Variants in NUP50 observed in about 807,000 individuals in gnomAD.
NUP50 encodes the protein nuclear pore complex protein Nup50.
NUP50 carries 14 observed loss-of-function variants against 36.8 expected under a neutral mutation model. The observed-to-expected ratio is 0.38, with a 90% CI of 0.25 to 0.59. The LOEUF is 0.59. Among genes scored for constraint, NUP50 ranks in the 20% least tolerant of loss-of-function variants. The pLI, the probability that NUP50 is intolerant of heterozygous loss-of-function variation, is 0.63. For synonymous variants in NUP50, 195 were observed against 210.8 expected (o/e 0.93, Z 0.65); for missense variants, 455 against 564.6 (o/e 0.81, Z 1.97).
intron 2 of NUP50, 99 bp downstream of exon 2, chr22:45,168,345 T>C: frequency 2.4e-6 from 2 of 824,468 alleles, no homozygotes; most frequent in South Asian, 3.2e-5. Flanking sequence ...CTAAAAGACC[T>C]TTCTAAGAAC....
chr22:45,181,705 C>T (rs1350764235), intron 6 of NUP50, among the ~76,000 whole-genome samples: 2 of 152,148 alleles, frequency 1.3e-5, no homozygotes, highest in Non-Finnish European at 2.9e-5. Flanking sequence ...TCCTCCTCCC[C>T]AACAAAGAAA....
intron 2 of NUP50, among the ~76,000 whole-genome samples, chr22:45,168,575 C>G (rs1409706383): frequency 6.6e-6 from 1 of 152,142 alleles, no homozygotes; most frequent in Non-Finnish European, 1.5e-5. Context: ...TTGCAGTAAG[C>G]CATTTTAGTC....
chr22:45,180,980 T>A (rs2066492447), intron 5 of NUP50, among the ~76,000 whole-genome samples: 1 of 143,374 alleles, frequency 7.0e-6, no homozygotes, highest in Non-Finnish European at 1.5e-5. Context: ...TATAGAGTGT[T>A]GATTTTTTTT....
intron 3 of NUP50, 192 bp downstream of exon 3, chr22:45,171,875 G>A: frequency 5.8e-6 from 3 of 514,388 alleles, no homozygotes; most frequent in South Asian, 2.6e-5. Context: ...ATCCAGTTGA[G>A]GAAATAAGAT....
chr22:45,178,212 A>G, intron 4 of NUP50, 26 bp from the exon 5 acceptor site: 2 of 1,585,948 alleles, frequency 1.3e-6, no homozygotes, highest in African/African-American at 1.4e-5. Context: ...GGCTAAATAA[A>G]TGGTTCAATT....
At chr22:45,181,067 G>A (rs2074361562) in intron 5 of NUP50, among the ~76,000 whole-genome samples, 1 of 147,012 alleles carries the variant, frequency 6.8e-6, no homozygotes, top group Non-Finnish European at 1.5e-5. Flanking sequence ...TAAGAGGTAT[G>A]TTCCCATTAA....
chr22:45,168,964 C>A (rs1268353148), intron 2 of NUP50, among the ~76,000 whole-genome samples: 1 of 145,730 alleles, frequency 6.9e-6, no homozygotes, highest in Non-Finnish European at 1.5e-5. Context: ...TGCGGTGGCA[C>A]AACCTCGGCT....
chr22:45,183,388 ATT>A lies in NUP50; in HGVS notation c.1086-10_1086-9del. ...CCTTGAATGCTTGATGGTCCCTATT[ATT>A]TTTCTCCATAGGTGTAAACTGTTTT... is the stretch of plus-strand genomic sequence containing the variant. On this transcript the variant is annotated splice_polypyrimidine_tract_variant and intron_variant, in intron 6 of 7. Coordinates refer to ENST00000347635, the MANE Select transcript of NUP50 (RefSeq NM_007172.4). 1 of 1,473,370 alleles carries A rather than the reference ATT, an allele frequency of 6.8e-7. No homozygotes were observed. The highest frequency in any genetic ancestry group is 9.5e-7 in the Non-Finnish European group (1 of 1,055,296). 91.3% of individuals were successfully genotyped at this position (1,473,370 alleles called of 1,614,324 possible).
At chr22:45,166,965 A>T (rs964627484) in intron 1 of NUP50, among the ~76,000 whole-genome samples, 1 of 152,210 alleles carries the variant, frequency 6.6e-6, no homozygotes, top group African/African-American at 2.4e-5. Flanking sequence ...GCCCGTATGT[A>T]ATTACTCCAC....
chr22:45,183,402 G>A lies in NUP50; in HGVS notation c.1086G>A (p.Lys362=). 1 of 1,557,850 alleles carries A rather than the reference G, an allele frequency of 6.4e-7. No homozygotes were observed. Among genetic ancestry groups the A allele is most frequent in the Non-Finnish European group, 8.8e-7 (1 of 1,130,888 alleles). Residue 362 remains lysine, a splice_region_variant and synonymous_variant, in exon 7 of 8, where the codon AAG becomes AAA. Coordinates refer to ENST00000347635, the MANE Select transcript of NUP50 (RefSeq NM_007172.4). ...TGGTCCCTATTATTTTTCTCCATAG[G>A]TGTAAACTGTTTTACAAGAAAGACA... is the stretch of plus-strand genomic sequence containing the variant. ...VKEEDAFYSK[K]CKLFYKKDNE... is the part of the protein sequence containing the mutation.
chr22:45,170,576 C>G (rs9626643), intron 2 of NUP50, among the ~76,000 whole-genome samples: 1 of 152,124 alleles, frequency 6.6e-6, no homozygotes, highest in Non-Finnish European at 1.5e-5. Flanking sequence ...ACAAGTGTAT[C>G]TCCTCACATA....
At chr22:45,175,410 G>GA (rs1224665413) in intron 3 of NUP50, among the ~76,000 whole-genome samples, 2 of 152,246 alleles carry the variant, frequency 1.3e-5, no homozygotes, top group Non-Finnish European at 2.9e-5. Flanking sequence ...TTTGTAGGCT[G>GA]AAAGCAGTTG....
Position 45,183,602 on chromosome 22 carries a change from A to T in NUP50, c.1204+82A>T, listed in dbSNP as rs566370858. 2.0e-4 allele frequency: 180 copies of T among 919,238 alleles called. No individual in the cohort carries two copies. In the African/African-American group the frequency reaches 2.8e-3, roughly 14 times the overall value. The allele number at this position is 919,238 out of a possible 1,614,324, so 56.9% of individuals were successfully genotyped here. On this transcript the variant is annotated intron_variant, in intron 7 of 7. Transcript: ENST00000347635. ...TTACCCTGCTGACTCAAGGTTATTA[A>T]TATGTTTTTAAACAGAGCGCATTCA...
At chr22:45,181,033 A>G (rs776901209) in intron 5 of NUP50, among the ~76,000 whole-genome samples, 30 of 149,490 alleles carry the variant, frequency 2.0e-4, no homozygotes, top group African/African-American at 6.7e-4. Flanking sequence ...AAGGTTTTCT[A>G]TATATTGGAA....
chr22:45,184,230 C>A, intron 7 of NUP50: 1 of 555,942 alleles, frequency 1.8e-6, no homozygotes, highest in East Asian at 3.1e-5. Context: ...GTGCAGAGAC[C>A]CGGGCTGGAG....
At chr22:45,170,279 C>CATAA (rs892678420) in intron 2 of NUP50, among the ~76,000 whole-genome samples, 2 of 152,052 alleles carry the variant, frequency 1.3e-5, no homozygotes, top group African/African-American at 4.8e-5. Context: ...GCTGTTTTCT[C>CATAA]TTTATCTCTT....
chr22:45,173,068 T>C (rs528046871), intron 3 of NUP50, among the ~76,000 whole-genome samples: 110 of 152,314 alleles, frequency 7.2e-4, no homozygotes, highest in Middle Eastern at 3.4e-3. Context: ...AGGAGCTTCA[T>C]TTCCTGACGT....
intron 4 of NUP50, among the ~76,000 whole-genome samples, chr22:45,177,089 T>C (rs1042337169): frequency 2.0e-5 from 3 of 152,134 alleles, no homozygotes; most frequent in African/African-American, 7.2e-5. Context: ...TGGGGATTGG[T>C]TTCAGCACCC....
At position 45,172,934 on chromosome 22, in the gene NUP50, G is replaced by T. The variant is rs1394543641; in HGVS notation, c.153+1251G>T. 2.6e-5 allele frequency among the ~76,000 whole-genome samples: 4 copies of T among 152,160 alleles called. No homozygotes were observed. In the East Asian group the frequency reaches 7.7e-4, roughly 29 times the overall value. On this transcript the variant is annotated intron_variant, in intron 3 of 7. Coordinates refer to ENST00000347635, the MANE Select transcript of NUP50 (RefSeq NM_007172.4). ...ATAGTGTAATTCGAGGCAGAGATAC[G>T]TAATCCTACATGAAATCGATTCTCA...
Sources: allele counts gnomAD v4.1 joint callset (sites outside exome capture counted in the v4.1 genomes callset), GRCh38; gene constraint gnomAD v4.1.1; transcripts MANE v1.5; gene names NCBI Gene and HGNC (gene_info 2026-07-23, HGNC 2026-07-21).